The following FASTKD1 variants were observed in gnomAD, a reference collection of about 807,000 sequenced individuals.
The protein encoded by FASTKD1 is FAST kinase domain-containing protein 1, mitochondrial.
In FASTKD1, 94 loss-of-function variants were observed where a neutral mutation model predicts 90.9. The observed-to-expected ratio is 1.03, with a 90% CI of 0.88 to 1.23. FASTKD1 has a LOEUF of 1.23. Among genes scored for constraint, FASTKD1 ranks in the 50% most tolerant of loss-of-function variants. The pLI is 0.00. For missense variants in FASTKD1, 945 were observed against 993.5 expected (o/e 0.95, Z 0.66); for synonymous variants, 319 against 345.8 (o/e 0.92, Z 0.86).
intron 10 of FASTKD1, among the ~76,000 whole-genome samples, chr2:169,539,102 T>C (rs1167300903): frequency 1.3e-5 from 2 of 151,304 alleles, no homozygotes; most frequent in Non-Finnish European, 1.5e-5. Flanking sequence ...ACCTCGTCTC[T>C]ACTGAAAACA....
chr2:169,556,959 A>G (rs6738604), intron 6 of FASTKD1, among the ~76,000 whole-genome samples: 2,492 of 152,252 alleles, frequency 0.016, 62 homozygotes, highest in African/African-American at 0.055. Flanking sequence ...GTAAGCAGAG[A>G]TAGTGCCACT....
chr2:169,566,583 C>A (rs1407590999), intron 3 of FASTKD1, among the ~76,000 whole-genome samples: 1 of 151,994 alleles, frequency 6.6e-6, no homozygotes, highest in Non-Finnish European at 1.5e-5. Flanking sequence ...GTGGTGGCAT[C>A]CACCTGTGGT....
At position 169,555,146 on chromosome 2, in the gene FASTKD1, T is replaced by A. The variant is rs1261737463; in HGVS notation, c.1192A>T (p.Lys398Ter). ...LHFQRKEFFAKLRELLLSYLK... is the reference protein window; with the variant it reads ...LHFQRKEFFA The stretch of plus-strand genomic sequence containing the variant: ...TACCTAAGCAGTAATTCTCTAAGTT[T>A]CGCAAAAAACTCCTTCCTTTGGAAA... The change falls in exon 7 of 15, where the codon AAA becomes TAA. Residue 398 changes from lysine to a stop codon, truncating the protein, a stop_gained. Coordinates refer to ENST00000453153, the MANE Select transcript of FASTKD1 (RefSeq NM_024622.6). LOFTEE classifies it high-confidence loss of function. The A allele has an allele frequency of 1.9e-6, 3 of 1,610,346 alleles. No homozygotes were observed. The highest frequency in any genetic ancestry group is 2.5e-6 in the Non-Finnish European group (3 of 1,179,108).
At chr2:169,571,185 A>C (rs2105446350) in intron 2 of FASTKD1, 1 of 150,398 alleles carries the variant, frequency 6.6e-6, no homozygotes, top group South Asian at 2.1e-4. Flanking sequence ...ACAGAGCAAG[A>C]CTCCGCCTCA....
At position 169,572,094 on chromosome 2, in the gene FASTKD1, G is replaced by A. The variant is rs1684262062; in HGVS notation, c.-65C>T. 6.6e-6 allele frequency: 10 copies of A among 1,509,136 alleles called. No individual in the cohort carries two copies. In the Admixed American group the frequency reaches 2.3e-4, roughly 35 times the overall value. The allele number at this position is 1,509,136 out of a possible 1,614,324, so 93.5% of individuals were successfully genotyped here. On this transcript the variant is annotated 5_prime_UTR_variant, in exon 2 of 15. Coordinates refer to ENST00000453153, the MANE Select transcript of FASTKD1 (RefSeq NM_024622.6). ...AACTAGTCGTCAGGTGCAATAAGCA[G>A]GGATACAAATAACAGTTTTTCCTTC...
chr2:169,533,958 C>T (rs1279625339), intron 12 of FASTKD1, among the ~76,000 whole-genome samples: 7 of 151,892 alleles, frequency 4.6e-5, no homozygotes, highest in Non-Finnish European at 1.0e-4. Flanking sequence ...ACTGCTTGAG[C>T]TCAGGAGTTT....
chr2:169,564,978 A>C (rs1371234982), intron 3 of FASTKD1, among the ~76,000 whole-genome samples: 15 of 124,854 alleles, frequency 1.2e-4, no homozygotes, highest in African/African-American at 4.6e-4. Context: ...TTTGAGACGC[A>C]GTTTCGCTCT....
chr2:169,532,923 G>A lies in FASTKD1; in HGVS notation c.2189-1433C>T, dbSNP rs13402260. 4.6e-3 allele frequency among the ~76,000 whole-genome samples: 696 copies of A among 151,996 alleles called. 8 individuals carry two copies. Among genetic ancestry groups the A allele is most frequent in the African/African-American group, 0.016 (667 of 41,460 alleles). On this transcript the variant is annotated intron_variant, in intron 12 of 14. Transcript: ENST00000453153. The stretch of plus-strand genomic sequence containing the variant: ...TATAGTAGGCCAAATCTAACATTTC[G>A]ATAAAATGTTAAATTTTATCTAAAA...
intron 4 of FASTKD1, among the ~76,000 whole-genome samples, chr2:169,561,684 TC>T (rs1339800090): frequency 2.0e-5 from 3 of 148,978 alleles, no homozygotes; most frequent in Admixed American, 6.7e-5. Context: ...TATAAATTAA[TC>T]CATTATAAAT....
intron 3 of FASTKD1, among the ~76,000 whole-genome samples, chr2:169,567,908 T>C (rs989751175): frequency 6.6e-6 from 1 of 152,174 alleles, no homozygotes; most frequent in Non-Finnish European, 1.5e-5. Flanking sequence ...AATTCAAAGT[T>C]TTCAGAAATA....
intron 3 of FASTKD1, among the ~76,000 whole-genome samples, chr2:169,567,456 G>T (rs564480502): frequency 6.6e-6 from 1 of 152,098 alleles, no homozygotes; most frequent in African/African-American, 2.4e-5. Context: ...TATACTTATA[G>T]GTAGAGAGTA....
chr2:169,551,116 GA>G (rs925213268), intron 7 of FASTKD1, among the ~76,000 whole-genome samples: 3 of 152,006 alleles, frequency 2.0e-5, no homozygotes, highest in Non-Finnish European at 2.9e-5. Context: ...GGTTATAGGG[GA>G]AAAAAAGTAA....
chr2:169,561,263 CAG>C (rs569268494), intron 4 of FASTKD1, among the ~76,000 whole-genome samples: 39 of 149,618 alleles, frequency 2.6e-4, no homozygotes, highest in African/African-American at 9.1e-4. Context: ...GTCAGGGAAA[CAG>C]AGGGAGACTC....
chr2:169,568,783 G>A (rs915720205), intron 3 of FASTKD1, among the ~76,000 whole-genome samples: 6 of 151,630 alleles, frequency 4.0e-5, no homozygotes, highest in East Asian at 3.9e-4. Flanking sequence ...GGTGGATCAC[G>A]AGGTCAGGAG....
At chr2:169,539,769 A>T (rs1211301492) in intron 10 of FASTKD1, among the ~76,000 whole-genome samples, 1 of 152,204 alleles carries the variant, frequency 6.6e-6, no homozygotes. Flanking sequence ...GTCTCAAAAC[A>T]AAACAAAAAA....
chr2:169,537,391 T>G (rs1249289943), intron 11 of FASTKD1, 51 bp from the exon 12 acceptor site: 1 of 1,324,002 alleles, frequency 7.6e-7, no homozygotes, highest in Non-Finnish European at 1.0e-6. Context: ...TTTCTTTTTT[T>G]TTTTCCTTTG....
chr2:169,546,809 C>A (rs1180961504), intron 7 of FASTKD1, 105 bp from the exon 8 acceptor site: 2 of 1,144,604 alleles, frequency 1.7e-6, no homozygotes, highest in Non-Finnish European at 2.4e-6. Context: ...GATGATGATT[C>A]AAAAAAACCT....
At chr2:169,561,561 C>G (rs1008965483) in intron 4 of FASTKD1, among the ~76,000 whole-genome samples, 2 of 151,364 alleles carry the variant, frequency 1.3e-5, no homozygotes, top group Non-Finnish European at 2.9e-5. Flanking sequence ...TGACATTCAG[C>G]AAATGTAACT....
At chr2:169,554,216 T>C (rs981792513) in intron 7 of FASTKD1, among the ~76,000 whole-genome samples, 1 of 133,622 alleles carries the variant, frequency 7.5e-6, no homozygotes, top group African/African-American at 2.9e-5. Context: ...TATGATTGGC[T>C]GCCGTGAGCT....
Sources: allele counts gnomAD v4.1 joint callset (sites outside exome capture counted in the v4.1 genomes callset), GRCh38; gene constraint gnomAD v4.1.1; transcripts MANE v1.5; gene names NCBI Gene and HGNC (gene_info 2026-07-23, HGNC 2026-07-21).